XKR3: variants seen among roughly 807,000 people sequenced by gnomAD.
XKR3 encodes the protein XK related 3, also known as XK-related protein 3.
A neutral mutation model predicts 40.3 loss-of-function variants in XKR3; 27 were observed. The ratio of observed to expected loss-of-function variants is 0.67; its 90% confidence interval spans 0.49 to 0.92. The LOEUF is 0.92. XKR3 is among the 40% of genes least tolerant of loss of function. The pLI, the probability that XKR3 is intolerant of heterozygous loss-of-function variation, is 0.00. For missense variants in XKR3, 472 were observed against 537.6 expected (o/e 0.88, Z 1.21); for synonymous variants, 193 against 195.4 (o/e 0.99, Z 0.10).
intron 3 of XKR3, among the ~76,000 whole-genome samples, chr22:16,789,023 C>A (rs1445215295): frequency 2.6e-5 from 4 of 151,962 alleles, no homozygotes; most frequent in Non-Finnish European, 5.9e-5. Flanking sequence ...CGAGAATAAC[C>A]AAATAATGCT....
chr22:16,804,408 T>A (rs960274204), intron 2 of XKR3, among the ~76,000 whole-genome samples: 3 of 144,230 alleles, frequency 2.1e-5, no homozygotes, highest in Non-Finnish European at 1.5e-5. Flanking sequence ...CCAAAACATG[T>A]TTTTTTTCCC....
At chr22:16,823,567 C>T (rs5994033) in intron 1 of XKR3, among the ~76,000 whole-genome samples, 99,528 of 152,120 alleles carry the variant, frequency 0.65, 33,286 homozygotes, top group Non-Finnish European at 0.74. Flanking sequence ...TTTTGATCTG[C>T]GTGATGTACA....
chr22:16,793,259 G>A (rs1306331492), intron 3 of XKR3, among the ~76,000 whole-genome samples: 40 of 152,244 alleles, frequency 2.6e-4, no homozygotes, highest in Admixed American at 2.4e-3. Context: ...TGATCTGTCC[G>A]CCTCGGCCTC....
chr22:16,786,016 C>T (rs2060088991), intron 3 of XKR3, among the ~76,000 whole-genome samples: 1 of 152,074 alleles, frequency 6.6e-6, no homozygotes, highest in African/African-American at 2.4e-5. Flanking sequence ...CCATTTATTC[C>T]TTAAGGAATA....
In XKR3 at chr22:16,783,668, C is replaced by T; in HGVS notation, c.1331G>A (p.Cys444Tyr). 2 of 1,610,260 alleles carry T rather than the reference C, an allele frequency of 1.2e-6. No homozygotes were observed. Among genetic ancestry groups the T allele is most frequent in the Non-Finnish European group, 1.7e-6 (2 of 1,178,960 alleles). ...NKQLRNYCHS[C>Y]NRVGYFSIRK... ...GATTGAAAAATATCCAACCCTATTG[C>T]AGGAGTGACAGTAATTCCTCAGCTG... The change falls in exon 4 of 4, where the codon TGC becomes TAC. Residue 444 changes from cysteine (C) to tyrosine (Y), a missense_variant. Coordinates refer to ENST00000684488, the MANE Select transcript of XKR3 (RefSeq NM_001386955.1).
At position 16,807,861 on chromosome 22, in the gene XKR3, G is replaced by C. The variant is rs1485425761; in HGVS notation, c.213C>G (p.Ile71Met). 1.2e-6 allele frequency: 2 copies of C among 1,613,986 alleles called. No individual in the cohort carries two copies. The highest frequency in any genetic ancestry group is 1.7e-6 in the Non-Finnish European group (2 of 1,179,908). The part of the protein sequence containing the change: ...ANDTFWMSFT[I>M]SFIIVGAILD... ...AAATTGCCCCCACAATAATAAAGCT[G>C]ATGGTAAATGACATCCAGAATGTGT... Residue 71 changes from isoleucine (I) to methionine (M), a missense_variant, in exon 2 of 4, where the codon ATC becomes ATG. Coordinates refer to ENST00000684488, the MANE Select transcript of XKR3 (RefSeq NM_001386955.1).
intron 2 of XKR3, among the ~76,000 whole-genome samples, chr22:16,802,492 T>C (rs1245843701): frequency 9.9e-6 from 1 of 100,970 alleles, no homozygotes; most frequent in Non-Finnish European, 2.6e-5. Context: ...CCAGTCTTTC[T>C]TTTTTTTTTC....
At chr22:16,789,725 G>A (rs2060105848) in intron 3 of XKR3, among the ~76,000 whole-genome samples, 1 of 152,184 alleles carries the variant, frequency 6.6e-6, no homozygotes, top group South Asian at 2.1e-4. Flanking sequence ...AAGCAATCCT[G>A]AAGATGGCCA....
chr22:16,805,146 C>T (rs760178770), intron 2 of XKR3, among the ~76,000 whole-genome samples: 11 of 152,164 alleles, frequency 7.2e-5, no homozygotes, highest in African/African-American at 1.9e-4. Flanking sequence ...TGTGAAACTA[C>T]CTCTATTCAA....
At chr22:16,794,165 A>G (rs2060131534) in intron 3 of XKR3, among the ~76,000 whole-genome samples, 2 of 152,208 alleles carry the variant, frequency 1.3e-5, no homozygotes, top group African/African-American at 2.4e-5. Context: ...TCATCACACT[A>G]GAGAGGTCAA....
intron 3 of XKR3, among the ~76,000 whole-genome samples, chr22:16,795,819 T>C (rs1274581400): frequency 2.0e-5 from 3 of 151,940 alleles, no homozygotes; most frequent in African/African-American, 7.3e-5. Context: ...ATAGAAAAAT[T>C]AACCAGGCAT....
At position 16,783,659 on chromosome 22, in the gene XKR3, A is replaced by G; in HGVS notation, c.1340T>C (p.Val447Ala). The change falls in exon 4 of 4, where the codon GTT (valine) becomes GCT (alanine). Residue 447 changes from valine (V) to alanine (A), a missense_variant. By Grantham distance (64) the Val-to-Ala change is moderately conservative. Coordinates refer to ENST00000684488, the MANE Select transcript of XKR3 (RefSeq NM_001386955.1). Reference protein sequence around the residue: ...LRNYCHSCNRVGYFSIRKSMT... With the variant: ...LRNYCHSCNRAGYFSIRKSMT... ...ACTTTTTCTGATTGAAAAATATCCA[A>G]CCCTATTGCAGGAGTGACAGTAATT... 6.2e-7 allele frequency: 1 copy of G among 1,607,552 alleles called. No individual in the cohort carries two copies. Among genetic ancestry groups the G allele is most frequent in the South Asian group, 1.1e-5 (1 of 89,860 alleles).
intron 3 of XKR3, among the ~76,000 whole-genome samples, chr22:16,799,002 T>C (rs759362100): frequency 6.6e-6 from 1 of 152,232 alleles, no homozygotes; most frequent in African/African-American, 2.4e-5. Flanking sequence ...ATATACTCCC[T>C]GTATCTAAGG....
chr22:16,801,816 T>A (rs9306238), intron 2 of XKR3, among the ~76,000 whole-genome samples: 16,763 of 152,142 alleles, frequency 0.11, 1,320 homozygotes, highest in African/African-American at 0.22. Context: ...TATTATTTTG[T>A]CAGAAAACTG....
At chr22:16,785,608 T>C (rs1340005833) in intron 3 of XKR3, among the ~76,000 whole-genome samples, 1 of 152,126 alleles carries the variant, frequency 6.6e-6, no homozygotes, top group Non-Finnish European at 1.5e-5. Context: ...CTCACACCTG[T>C]AATCCCAGCA....
chr22:16,824,383 A>G (rs555808351), intron 1 of XKR3, among the ~76,000 whole-genome samples: 2 of 152,172 alleles, frequency 1.3e-5, no homozygotes, highest in Non-Finnish European at 2.9e-5. Context: ...TTTAAAGACA[A>G]TTGTTAAATA....
intron 2 of XKR3, among the ~76,000 whole-genome samples, chr22:16,805,788 T>C (rs1407264123): frequency 6.6e-6 from 1 of 152,202 alleles, no homozygotes; most frequent in Admixed American, 6.5e-5. Context: ...ACACTCATAT[T>C]TACCGTCAGC....
At chr22:16,793,959 A>C (rs889177850) in intron 3 of XKR3, among the ~76,000 whole-genome samples, 16 of 152,332 alleles carry the variant, frequency 1.1e-4, no homozygotes, top group African/African-American at 3.8e-4. Context: ...CAGAGCTCCA[A>C]GACTGGTTCT....
intron 2 of XKR3, among the ~76,000 whole-genome samples, chr22:16,802,493 T>C (rs1470633330): frequency 6.6e-6 from 1 of 151,058 alleles, no homozygotes; most frequent in African/African-American, 2.4e-5. Flanking sequence ...CAGTCTTTCT[T>C]TTTTTTTTCT....
Sources: allele counts gnomAD v4.1 joint callset (sites outside exome capture counted in the v4.1 genomes callset), GRCh38; gene constraint gnomAD v4.1.1; transcripts MANE v1.5; gene names NCBI Gene and HGNC (gene_info 2026-07-23, HGNC 2026-07-21).